ENPP7: variants seen among roughly 807,000 people sequenced by gnomAD.
ENPP7 encodes ectonucleotide pyrophosphatase/phosphodiesterase 7, also known as ectonucleotide pyrophosphatase/phosphodiesterase family member 7.
Under a neutral mutation model 33.6 loss-of-function variants are expected in ENPP7, and 39 were observed. That is an observed-to-expected ratio of 1.16 (90% CI 0.90 to 1.52). The LOEUF (loss-of-function observed/expected upper bound fraction) is 1.52. Ranked by LOEUF, ENPP7 falls within the 40% of genes most tolerant of loss-of-function variation. The pLI is 0.00. For synonymous variants in ENPP7, 244 were observed against 274.3 expected (o/e 0.89, Z 1.09); for missense variants, 594 against 641.0 (o/e 0.93, Z 0.79).
Position 79,742,167 on chromosome 17 carries a change from G to GCCCGC in ENPP7, c.*395_*399dup, listed in dbSNP as rs1555824758. 1 of 153,872 alleles carries GCCCGC rather than the reference G, an allele frequency of 6.5e-6. No individual in the cohort carries two copies. The highest frequency in any genetic ancestry group is 1.4e-5 in the Non-Finnish European group (1 of 69,538). The allele number at this position is 153,872 out of a possible 1,614,324, so 9.5% of individuals were successfully genotyped here. A position where few individuals can be genotyped will look rare whatever the true frequency, so the allele number is the denominator to read the frequency against. The stretch of plus-strand genomic sequence containing the variant: ...ACCCGGCCTCGGTCAGCTGGGAGGG[G>GCCCGC]CCCGCCCCGGCACAAAGCACCCATG... On this transcript the variant is annotated 3_prime_UTR_variant, in exon 6 of 6. Transcript: ENST00000328313.
chr17:79,741,479 G>T (rs1293382969), intron 5 of ENPP7, among the ~76,000 whole-genome samples: 1 of 152,180 alleles, frequency 6.6e-6, no homozygotes, highest in African/African-American at 2.4e-5. Flanking sequence ...CCAGGCCTGG[G>T]ACAGTGCCCA....
At chr17:79,732,004 A>G (rs563763287) in intron 1 of ENPP7, among the ~76,000 whole-genome samples, 1 of 151,408 alleles carries the variant, frequency 6.6e-6, no homozygotes, top group East Asian at 1.9e-4. Flanking sequence ...AGGCTGAGAC[A>G]GGAGAATTGC....
At chr17:79,732,121 C>CATATATATATATACATATATACACAT in intron 1 of ENPP7, among the ~76,000 whole-genome samples, 2 of 48,782 alleles carry the variant, frequency 4.1e-5, no homozygotes, top group African/African-American at 1.4e-4. Flanking sequence ...TATATATATA[C>CATATATATATATACATATATACACAT]ATATATATAT....
intron 3 of ENPP7, 139 bp from the exon 4 acceptor site, chr17:79,736,902 G>A: frequency 1.5e-6 from 1 of 664,546 alleles, no homozygotes; most frequent in South Asian, 1.8e-5. Context: ...TCAGAATTCG[G>A]GGAAACTGAG....
chr17:79,732,624 G>A (rs1555822768), intron 1 of ENPP7, among the ~76,000 whole-genome samples: 4 of 152,076 alleles, frequency 2.6e-5, no homozygotes, highest in South Asian at 4.2e-4. Context: ...GCATCACTCC[G>A]ACCTCTCCCC....
intron 5 of ENPP7, among the ~76,000 whole-genome samples, chr17:79,740,017 C>T (rs1192590559): frequency 6.6e-6 from 1 of 152,098 alleles, no homozygotes; most frequent in African/African-American, 2.4e-5. Flanking sequence ...TATAGTTAGA[C>T]CCCGTCTCTG....
rs1322780288 is a variant in ENPP7, at chr17:79,737,743, C to G, written c.1247-173C>G. Among the ~76,000 whole-genome samples the G allele has an allele frequency of 6.6e-6, 1 of 152,204 alleles. No homozygotes were observed. Among genetic ancestry groups the G allele is most frequent in the African/African-American group, 2.4e-5 (1 of 41,460 alleles). On this transcript the variant is annotated intron_variant, in intron 4 of 5. Coordinates refer to ENST00000328313, the MANE Select transcript of ENPP7 (RefSeq NM_178543.5). This position sits in a 1 kb window ranked among gnomAD's most constrained non-coding sequence, Gnocchi z 5.5. Reference sequence around the variant, plus strand: ...GGGCCTGGCTGGAGAGGGGTGGGCTCTACTGAGCAGGGCTATGAAGGGCCG... The same window carrying G: ...GGGCCTGGCTGGAGAGGGGTGGGCTGTACTGAGCAGGGCTATGAAGGGCCG...
chr17:79,731,150 C>T lies in ENPP7; in HGVS notation c.11C>T (p.Pro4Leu), dbSNP rs8074547. Reference protein sequence around the residue: MRGPAVLLTVALAT... With the variant: MRGLAVLLTVALAT... ...TCTGGAAGGCCCAGCATGAGAGGCCCGGCCGTCCTCCTCACTGTGGCTCTG... is the reference window on the plus strand; with the variant it reads ...TCTGGAAGGCCCAGCATGAGAGGCCTGGCCGTCCTCCTCACTGTGGCTCTG... The change falls in exon 1 of 6, where the codon CCG becomes CTG. Residue 4 changes from proline (P) to leucine (L), a missense_variant. Physicochemically the swap from Pro to Leu is moderately conservative, Grantham distance 98 (BLOSUM62 -3). This residue lies in a region of ENPP7 where 85 missense variants were observed against 111.3 expected (regional missense o/e 0.76). Transcript: ENST00000328313. 0.6 allele frequency: 970,548 copies of T among 1,606,722 alleles called. 297,598 individuals carry two copies. The highest frequency in any genetic ancestry group is 0.68 in the Admixed American group (40,660 of 59,432).
rs1486688843 is a variant in ENPP7 at position 79,739,930 on chromosome 17, G to A, written c.*17-1864G>A. Among the ~76,000 whole-genome samples, 3 of 152,220 alleles carry A rather than the reference G, an allele frequency of 2.0e-5. No individual in the cohort carries two copies. The highest frequency in any genetic ancestry group is 6.5e-5 in the Admixed American group (1 of 15,280). On this transcript the variant is annotated intron_variant, in intron 5 of 5. Transcript: ENST00000328313. This position sits in a 1 kb window ranked among gnomAD's most constrained non-coding sequence, Gnocchi z 4.4. Reference sequence around the variant, plus strand: ...AATGAGGCCAGGTGCGGTGGCTTCCGCCTGGAACCCCAGTACTTCCAGAGG... The same window carrying A: ...AATGAGGCCAGGTGCGGTGGCTTCCACCTGGAACCCCAGTACTTCCAGAGG...
Position 79,731,001 on chromosome 17 carries a change from G to A in ENPP7, c.-139G>A. 1.1e-6 allele frequency: 1 copy of A among 950,438 alleles called. No individual in the cohort carries two copies. Among genetic ancestry groups the A allele is most frequent in the South Asian group, 1.7e-5 (1 of 57,304 alleles). 58.9% of individuals were successfully genotyped at this position (950,438 alleles called of 1,614,324 possible). A position where few individuals can be genotyped will look rare whatever the true frequency, so the allele number is the denominator to read the frequency against. ...ACACGGCTGGGGAGCCCACTCCCGAGGTTCGACCCGGGGATGTGCACAGCC... is the reference window on the plus strand; with the variant it reads ...ACACGGCTGGGGAGCCCACTCCCGAAGTTCGACCCGGGGATGTGCACAGCC... On this transcript the variant is annotated 5_prime_UTR_variant, in exon 1 of 6. Transcript: ENST00000328313.
intron 1 of ENPP7, 63 bp from the exon 2 acceptor site, chr17:79,733,445 G>C: frequency 6.4e-7 from 1 of 1,552,846 alleles, no homozygotes. Flanking sequence ...TTCCAGCCCT[G>C]GGTCCGGCCT....
rs952049835 is a variant in ENPP7, at chr17:79,735,478, G to A, written c.835G>A (p.Asp279Asn). 1.2e-6 allele frequency: 2 copies of A among 1,613,990 alleles called. No individual in the cohort carries two copies. Among genetic ancestry groups the A allele is most frequent in the African/African-American group, 2.7e-5 (2 of 74,926 alleles). ...TFRDIEFELLDYGPNGMLLPK... is the reference protein window; with the variant it reads ...TFRDIEFELLNYGPNGMLLPK... Reference sequence around the variant, plus strand: ...CCGGGACATCGAGTTTGAGCTCCTGGACTACGGACCAAACGGGATGCTGCT... The same window carrying A: ...CCGGGACATCGAGTTTGAGCTCCTGAACTACGGACCAAACGGGATGCTGCT... Residue 279 changes from aspartate (D) to asparagine (N), a missense_variant, in exon 3 of 6, where the codon GAC (aspartate) becomes AAC (asparagine). Transcript: ENST00000328313. This position sits in a 1 kb window ranked among gnomAD's most constrained non-coding sequence, Gnocchi z 5.5.
chr17:79,736,124 C>T (rs563859853), intron 3 of ENPP7, among the ~76,000 whole-genome samples: 2 of 152,268 alleles, frequency 1.3e-5, no homozygotes, highest in Admixed American at 6.5e-5. Context: ...AGGCTGGTCT[C>T]GAACTTCTGG....
In ENPP7 at chr17:79,739,831, G is replaced by A. The variant is rs1238679807; in HGVS notation, c.*16+1769G>A. On this transcript the variant is annotated intron_variant, in intron 5 of 5. Coordinates refer to ENST00000328313, the MANE Select transcript of ENPP7 (RefSeq NM_178543.5). The surrounding 1 kb of genome is among the most constrained non-coding windows in gnomAD (Gnocchi z 4.4). ...AAGGAGTGGACTGAGAAGAGATGGT[G>A]ACCACACCACTCACTGAGAAGGCGG... Among the ~76,000 whole-genome samples, 19 of 152,196 alleles carry A rather than the reference G, an allele frequency of 1.2e-4. No homozygotes were observed. Among genetic ancestry groups the A allele is most frequent in the African/African-American group, 4.1e-4 (17 of 41,454 alleles).
intron 2 of ENPP7, among the ~76,000 whole-genome samples, chr17:79,734,747 G>A (rs1044965518): frequency 6.6e-6 from 1 of 152,130 alleles, no homozygotes; most frequent in African/African-American, 2.4e-5. Flanking sequence ...CAAAGTGCTG[G>A]GATTACAGGC....
intron 1 of ENPP7, 82 bp from the exon 2 acceptor site, chr17:79,733,426 C>A: frequency 6.8e-7 from 1 of 1,462,842 alleles, no homozygotes; most frequent in Non-Finnish European, 9.4e-7. Context: ...GCTGTTTTGA[C>A]TTCGCCTCTT....
intron 1 of ENPP7, 114 bp from the exon 2 acceptor site, chr17:79,733,394 C>T: frequency 8.8e-7 from 1 of 1,138,848 alleles, no homozygotes; most frequent in South Asian, 1.4e-5. Context: ...CCACTCCCCA[C>T]CCAGCACACA....
At position 79,737,682 on chromosome 17, in the gene ENPP7, G is replaced by T. The variant is rs2094298427; in HGVS notation, c.1247-234G>T. On this transcript the variant is annotated intron_variant, in intron 4 of 5. Coordinates refer to ENST00000328313, the MANE Select transcript of ENPP7 (RefSeq NM_178543.5). This position sits in a 1 kb window ranked among gnomAD's most constrained non-coding sequence, Gnocchi z 5.5. ...AACCTGCCCCATCTTGGGGACAAAG[G>T]CCACCTGGAAACTGACAAGGTGGCG... Among the ~76,000 whole-genome samples, 1 of 152,176 alleles carries T rather than the reference G, an allele frequency of 6.6e-6. No homozygotes were observed. Among genetic ancestry groups the T allele is most frequent in the South Asian group, 2.1e-4 (1 of 4,832 alleles).
At position 79,738,149 on chromosome 17, in the gene ENPP7, C is replaced by G. The variant is rs782266607; in HGVS notation, c.*16+87C>G. Reference sequence around the variant, plus strand: ...ATGTCCCAGCTACAGTCCTAGGCAACCAGAACAGAGCTGCCAGGCCCCGCC... The same window carrying G: ...ATGTCCCAGCTACAGTCCTAGGCAAGCAGAACAGAGCTGCCAGGCCCCGCC... On this transcript the variant is annotated intron_variant, in intron 5 of 5. Coordinates refer to ENST00000328313, the MANE Select transcript of ENPP7 (RefSeq NM_178543.5). The surrounding 1 kb of genome is among the most constrained non-coding windows in gnomAD (Gnocchi z 6.2). The G allele has an allele frequency of 2.8e-5, 39 of 1,418,100 alleles. No homozygotes were observed. Among genetic ancestry groups the G allele is most frequent in the Non-Finnish European group, 3.8e-5 (39 of 1,032,514 alleles). The allele number at this position is 1,418,100 out of a possible 1,614,324, so 87.8% of individuals were successfully genotyped here.
Sources: allele counts gnomAD v4.1 joint callset (sites outside exome capture counted in the v4.1 genomes callset), GRCh38; gene constraint gnomAD v4.1.1; regional missense constraint gnomAD v4.1.1; non-coding constraint Gnocchi (gnomAD v3.1); transcripts MANE v1.5; gene names NCBI Gene and HGNC (gene_info 2026-07-23, HGNC 2026-07-21).